Variants in CNTRL observed in about 807,000 individuals in gnomAD.
CNTRL encodes centriolin, also known as 110 kDa centrosomal protein.
A neutral mutation model predicts 303.7 loss-of-function variants in CNTRL; 233 were observed. That is an observed-to-expected ratio of 0.77 (90% CI 0.69 to 0.86). The LOEUF is 0.86. Among genes scored for constraint, CNTRL ranks in the 40% least tolerant of loss-of-function variants. The probability of loss-of-function intolerance (pLI) is 0.00; values close to 1 mark genes in which losing one functional copy is unlikely to be tolerated. For synonymous variants in CNTRL, 900 were observed against 922.2 expected (o/e 0.98, Z 0.44); for missense variants, 2,524 against 2,650.6 (o/e 0.95, Z 1.05).
intron 3 of CNTRL, among the ~76,000 whole-genome samples, chr9:121,089,297 CTT>C (rs2048466529): frequency 6.6e-6 from 1 of 152,162 alleles, no homozygotes; most frequent in Non-Finnish European, 1.5e-5. Context: ...ATTTAAATAT[CTT>C]TTTATTTTGC....
chr9:121,101,464 G>A (rs544555739), intron 7 of CNTRL, among the ~76,000 whole-genome samples: 31 of 152,146 alleles, frequency 2.0e-4, no homozygotes, highest in African/African-American at 6.5e-4. Context: ...ATCTAAAATC[G>A]ACATCCTAAC....
At chr9:121,172,642 A>T (rs987333198) in intron 40 of CNTRL, among the ~76,000 whole-genome samples, 1 of 151,998 alleles carries the variant, frequency 6.6e-6, no homozygotes, top group Non-Finnish European at 1.5e-5. Flanking sequence ...CCCTGTCTTT[A>T]AAAAAACAAA....
chr9:121,169,715 C>G lies in CNTRL; in HGVS notation c.6175C>G (p.Arg2059Gly). Residue 2059 changes from arginine to glycine, a missense_variant, in exon 39 of 44, where the codon CGG becomes GGG. Physicochemically the swap from Arg to Gly is moderately radical, Grantham distance 125. Coordinates refer to ENST00000373855, the MANE Select transcript of CNTRL (RefSeq NM_007018.6). ...TATGAGGGCAGACTTCAGCCTTCTG[C>G]GGAACCAGTTCTTGACAGAAAGAAA... Reference protein sequence around the residue: ...DSMRADFSLLRNQFLTERKKA... With the variant: ...DSMRADFSLLGNQFLTERKKA... The G allele has an allele frequency of 6.2e-7, 1 of 1,614,152 alleles. No individual in the cohort carries two copies. Among genetic ancestry groups the G allele is most frequent in the Non-Finnish European group, 8.5e-7 (1 of 1,180,012 alleles).
intron 12 of CNTRL, among the ~76,000 whole-genome samples, chr9:121,119,592 C>T (rs919662755): frequency 5.3e-5 from 8 of 150,548 alleles, no homozygotes; most frequent in Admixed American, 5.3e-4. Context: ...CCATGCCCTG[C>T]CGAAGCGATT....
At chr9:121,150,663 A>G (rs2052179837) in intron 25 of CNTRL, 180 bp downstream of exon 25, 2 of 631,848 alleles carry the variant, frequency 3.2e-6, no homozygotes, top group Admixed American at 2.9e-5. Context: ...AAGCAGTGGC[A>G]TGTGCCTATA....
intron 9 of CNTRL, 83 bp downstream of exon 9, chr9:121,112,661 A>C: frequency 7.2e-7 from 1 of 1,382,272 alleles, no homozygotes; most frequent in Non-Finnish European, 1.0e-6. Flanking sequence ...GAGGACATGT[A>C]AGGGATTTGA....
chr9:121,159,416 G>A (rs1401449705), intron 31 of CNTRL, among the ~76,000 whole-genome samples: 1 of 152,138 alleles, frequency 6.6e-6, no homozygotes, highest in Non-Finnish European at 1.5e-5. Context: ...GGCAGATCAC[G>A]AGGTTAAGAG....
At chr9:121,092,629 T>G (rs1428523341) in intron 4 of CNTRL, among the ~76,000 whole-genome samples, 4 of 18,938 alleles carry the variant, frequency 2.1e-4, no homozygotes, top group African/African-American at 4.8e-4. Context: ...TATATATATC[T>G]ATATATATAA....
At chr9:121,075,712 C>A (rs147920145) in intron 1 of CNTRL, among the ~76,000 whole-genome samples, 7 of 152,228 alleles carry the variant, frequency 4.6e-5, no homozygotes, top group Admixed American at 2.0e-4. Context: ...CAAATAATTG[C>A]GAATCATTTT....
At chr9:121,166,226 C>A in intron 36 of CNTRL, 46 bp downstream of exon 36, 3 of 1,351,980 alleles carry the variant, frequency 2.2e-6, no homozygotes, top group African/African-American at 1.5e-5. Context: ...TGAGGGTATG[C>A]AGACCATTGG....
At chr9:121,163,993 T>C (rs1226087343) in intron 34 of CNTRL, among the ~76,000 whole-genome samples, 1 of 151,750 alleles carries the variant, frequency 6.6e-6, no homozygotes, top group East Asian at 1.9e-4. Flanking sequence ...GCCTCTTGAG[T>C]AGCTGGGACT....
intron 27 of CNTRL, among the ~76,000 whole-genome samples, chr9:121,157,182 C>T (rs1309035423): frequency 6.6e-6 from 1 of 152,170 alleles, no homozygotes; most frequent in Non-Finnish European, 1.5e-5. Flanking sequence ...CGTGTTGCTA[C>T]ATTGTCATCT....
intron 2 of CNTRL, among the ~76,000 whole-genome samples, chr9:121,083,625 G>A (rs1487484403): frequency 6.6e-6 from 1 of 152,144 alleles, no homozygotes; most frequent in Non-Finnish European, 1.5e-5. Context: ...AAAATAAATA[G>A]AAGGAGTACA....
intron 3 of CNTRL, 50 bp from the exon 4 acceptor site, chr9:121,090,225 G>A: frequency 6.8e-7 from 1 of 1,468,868 alleles, no homozygotes; most frequent in African/African-American, 1.4e-5. Context: ...TGTTCTTTGT[G>A]ATATTCATGT....
Position 121,169,660 on chromosome 9 carries a change from G to C in CNTRL, c.6120G>C (p.Glu2040Asp). The C allele has an allele frequency of 6.2e-7, 1 of 1,614,220 alleles. No individual in the cohort carries two copies. The highest frequency in any genetic ancestry group is 8.5e-7 in the Non-Finnish European group (1 of 1,180,046). The change falls in exon 39 of 44, where the codon GAG (glutamate) becomes GAC (aspartate). Residue 2040 changes from glutamate to aspartate, a missense_variant. By Grantham distance (45) the Glu-to-Asp change is conservative. Transcript: ENST00000373855. Reference sequence around the variant, plus strand: ...AGCAATTGGTGGAGAAATCAGGTGAGCTGTTGGCCCTCCAGAAAGAGGCAG... The same window carrying C: ...AGCAATTGGTGGAGAAATCAGGTGACCTGTTGGCCCTCCAGAAAGAGGCAG... ...REQQLVEKSG[E>D]LLALQKEADS... is the part of the protein sequence containing the mutation.
chr9:121,149,250 A>G (rs1402378845), intron 24 of CNTRL, among the ~76,000 whole-genome samples: 2 of 152,214 alleles, frequency 1.3e-5, no homozygotes, highest in African/African-American at 4.8e-5. Context: ...TCTGTCTTCC[A>G]AAGCTCCAGA....
chr9:121,093,391 C>T (rs1260652181), intron 4 of CNTRL, among the ~76,000 whole-genome samples: 3 of 152,176 alleles, frequency 2.0e-5, no homozygotes, highest in African/African-American at 7.2e-5. Context: ...AAGGAAAATG[C>T]TCATTTGAGC....
chr9:121,125,410 T>G (rs1349246922), intron 13 of CNTRL, among the ~76,000 whole-genome samples: 1 of 152,092 alleles, frequency 6.6e-6, no homozygotes, highest in Non-Finnish European at 1.5e-5. Flanking sequence ...CCGCCTGCCT[T>G]GGCCTCCCAA....
At chr9:121,154,653 G>A in intron 26 of CNTRL, 68 bp from the exon 27 acceptor site, 5 of 886,644 alleles carry the variant, frequency 5.6e-6, no homozygotes, top group Non-Finnish European at 8.8e-6. Context: ...CTTTTTAGTA[G>A]TTAGGCTACA....
Sources: allele counts gnomAD v4.1 joint callset (sites outside exome capture counted in the v4.1 genomes callset), GRCh38; gene constraint gnomAD v4.1.1; transcripts MANE v1.5; gene names NCBI Gene and HGNC (gene_info 2026-07-23, HGNC 2026-07-21).